Variants in TMEM232 observed in about 807,000 individuals in gnomAD.
TMEM232 encodes the protein transmembrane protein 232.
In TMEM232, 80 loss-of-function variants were observed where a neutral mutation model predicts 78.8. The observed-to-expected ratio is 1.01, with a 90% CI of 0.85 to 1.22. The LOEUF is 1.22. Ranked by LOEUF, TMEM232 falls within the 50% of genes most tolerant of loss-of-function variation. The pLI is 0.00. For missense variants in TMEM232, 881 were observed against 742.2 expected (o/e 1.19, Z -2.17); for synonymous variants, 297 against 254.3 (o/e 1.17, Z -1.60).
At chr5:110,387,848 A>G (rs1191922309) in exon 5 of TMEM232, 2 of 152,032 alleles carry the variant, frequency 1.3e-5, no homozygotes, top group African/African-American at 2.4e-5. Flanking sequence ...CCTTGGCTCT[A>G]TAGGTCAAAC....
intron 12 of TMEM232, among the ~76,000 whole-genome samples, chr5:110,442,131 C>A (rs1379290472): frequency 6.6e-6 from 1 of 152,010 alleles, no homozygotes; most frequent in Admixed American, 6.6e-5. Context: ...TGCTCTATTA[C>A]CTTCTTTTAC....
At chr5:110,458,483 G>GC (rs1431472642) in intron 12 of TMEM232, among the ~76,000 whole-genome samples, 1 of 152,136 alleles carries the variant, frequency 6.6e-6, no homozygotes, top group Non-Finnish European at 1.5e-5. Flanking sequence ...ATAGGCCCTG[G>GC]CAGCATGAAT....
intron 2 of TMEM232, among the ~76,000 whole-genome samples, chr5:110,405,821 A>G (rs1394924209): frequency 1.3e-5 from 2 of 151,676 alleles, no homozygotes; most frequent in Non-Finnish European, 2.9e-5. Flanking sequence ...GGAGTTCAAT[A>G]AAGAAAAAAG....
chr5:110,705,784 G>A (rs1010797340), intron 1 of TMEM232, among the ~76,000 whole-genome samples: 1 of 148,356 alleles, frequency 6.7e-6, no homozygotes, highest in Non-Finnish European at 1.5e-5. Context: ...GTGTGTGTAT[G>A]TGTGTGTATA....
At chr5:110,470,237 G>A (rs1205575698) in intron 12 of TMEM232, among the ~76,000 whole-genome samples, 1 of 152,100 alleles carries the variant, frequency 6.6e-6, no homozygotes, top group Non-Finnish European at 1.5e-5. Context: ...CCTGTGCTGT[G>A]CCCTGCCCGT....
chr5:110,640,885 A>G lies in TMEM232; in HGVS notation c.343+6T>C. 1.3e-6 allele frequency: 2 copies of G among 1,507,324 alleles called. No individual in the cohort carries two copies. Among genetic ancestry groups the G allele is most frequent in the South Asian group, 1.3e-5 (1 of 74,738 alleles). 93.4% of individuals were successfully genotyped at this position (1,507,324 alleles called of 1,614,324 possible). A position where few individuals can be genotyped will look rare whatever the true frequency, so the allele number is the denominator to read the frequency against. On this transcript the variant is annotated splice_donor_region_variant and intron_variant, in intron 4 of 13. Transcript: ENST00000455884. Reference sequence around the variant, plus strand: ...AGGATGCCTAATAAGAATTTAAAGTACGTACCATCTTGGATTTCCCCTTTG... The same window carrying G: ...AGGATGCCTAATAAGAATTTAAAGTGCGTACCATCTTGGATTTCCCCTTTG...
intron 1 of TMEM232, among the ~76,000 whole-genome samples, chr5:110,735,602 G>C (rs1326016537): frequency 6.6e-6 from 1 of 152,024 alleles, no homozygotes; most frequent in African/African-American, 2.4e-5. Flanking sequence ...TTAAAAGATA[G>C]AGTCAAATCC....
intron 10 of TMEM232, among the ~76,000 whole-genome samples, chr5:110,569,492 G>C (rs1776695523): frequency 6.6e-6 from 1 of 151,838 alleles, no homozygotes; most frequent in Admixed American, 6.6e-5. Context: ...TACTGAGTAT[G>C]TGAAGCAGAT....
rs547005592 is a variant in TMEM232, at chr5:110,694,305, C to T, written c.-12-26941G>A. On this transcript the variant is annotated intron_variant, in intron 1 of 13. Coordinates refer to ENST00000455884, the MANE Select transcript of TMEM232 (RefSeq NM_001039763.4). ...GCCCTAAAAGAGCTCCTGAAGGAAG[C>T]ACTCAACATGGAAAGGAACAACCAG... Among the ~76,000 whole-genome samples, 154 of 152,266 alleles carry T rather than the reference C, an allele frequency of 1.0e-3. 1 individual carries two copies. Among genetic ancestry groups the T allele is most frequent in the Non-Finnish European group, 1.2e-3 (85 of 68,018 alleles).
chr5:110,436,633 A>C (rs1019221297), intron 12 of TMEM232, among the ~76,000 whole-genome samples: 1 of 152,072 alleles, frequency 6.6e-6, no homozygotes, highest in Admixed American at 6.6e-5. Flanking sequence ...TGATTTTTGC[A>C]TAAGGCAAGA....
intron 12 of TMEM232, among the ~76,000 whole-genome samples, chr5:110,454,633 T>TAAAAG (rs1264319624): frequency 2.6e-5 from 4 of 151,684 alleles, no homozygotes; most frequent in African/African-American, 9.7e-5. Flanking sequence ...TATTTTAAAT[T>TAAAAG]AAAAGAAAAT....
chr5:110,708,506 C>A (rs555858892), intron 1 of TMEM232, among the ~76,000 whole-genome samples: 6 of 152,004 alleles, frequency 3.9e-5, no homozygotes, highest in South Asian at 2.1e-4. Context: ...AAAGATGAAC[C>A]AATCAAAAAC....
At chr5:110,609,176 T>C (rs920726322) in intron 8 of TMEM232, among the ~76,000 whole-genome samples, 7 of 152,018 alleles carry the variant, frequency 4.6e-5, no homozygotes, top group African/African-American at 1.4e-4. Context: ...TGCCAACTTA[T>C]TTCAACATTG....
chr5:110,737,162 GCTTA>G (rs1450887912), intron 1 of TMEM232, among the ~76,000 whole-genome samples: 1 of 151,860 alleles, frequency 6.6e-6, no homozygotes, highest in African/African-American at 2.4e-5. Flanking sequence ...ACCTTGTCTG[GCTTA>G]TTTATCATTC....
intron 12 of TMEM232, among the ~76,000 whole-genome samples, chr5:110,441,272 T>A (rs1381450547): frequency 6.6e-6 from 1 of 152,152 alleles, no homozygotes; most frequent in East Asian, 1.9e-4. Context: ...AATCGAAGAT[T>A]TCTATTGACA....
chr5:110,583,913 C>T (rs972100032), intron 10 of TMEM232, among the ~76,000 whole-genome samples: 8 of 140,628 alleles, frequency 5.7e-5, no homozygotes, highest in South Asian at 2.2e-4. Context: ...CAAGGAAATA[C>T]GAATCAAAAG....
chr5:110,435,560 C>A (rs551488690), intron 12 of TMEM232, among the ~76,000 whole-genome samples: 9 of 151,790 alleles, frequency 5.9e-5, no homozygotes, highest in African/African-American at 2.2e-4. Context: ...TTCATTCTTT[C>A]TAATTTTTGT....
intron 2 of TMEM232, among the ~76,000 whole-genome samples, chr5:110,408,943 T>C (rs986001018): frequency 1.3e-5 from 2 of 152,134 alleles, no homozygotes; most frequent in African/African-American, 4.8e-5. Context: ...AACTCCTACC[T>C]AGACCAGTTG....
At chr5:110,458,831 G>T (rs948780433) in intron 12 of TMEM232, among the ~76,000 whole-genome samples, 1 of 152,270 alleles carries the variant, frequency 6.6e-6, no homozygotes, top group East Asian at 1.9e-4. Context: ...TATTGTTTTT[G>T]CTTGGTTGGA....
Sources: allele counts gnomAD v4.1 joint callset (sites outside exome capture counted in the v4.1 genomes callset), GRCh38; gene constraint gnomAD v4.1.1; transcripts MANE v1.5; gene names NCBI Gene and HGNC (gene_info 2026-07-23, HGNC 2026-07-21).